The following IKBKE variants were observed in gnomAD, a reference collection of about 807,000 sequenced individuals.
IKBKE encodes inhibitor of nuclear factor kappa-B kinase subunit epsilon.
Under a neutral mutation model 92.1 loss-of-function variants are expected in IKBKE, and 45 were observed. The observed-to-expected ratio is 0.49, with a 90% confidence interval of 0.38 to 0.63. IKBKE has a LOEUF of 0.63. Ranked by LOEUF, IKBKE falls within the 20% of genes least tolerant of loss-of-function variation. IKBKE has a pLI of 0.00. For missense variants in IKBKE, 700 were observed against 932.8 expected, an observed-to-expected ratio of 0.75 and a Z score of 3.25; for synonymous variants, 374 against 380.3, an observed-to-expected ratio of 0.98 and a Z score of 0.19.
intron 21 of IKBKE, among the ~76,000 whole-genome samples, chr1:206,494,502 G>A (rs1450114354): frequency 6.6e-6 from 1 of 152,046 alleles, no homozygotes; most frequent in African/African-American, 2.4e-5. Flanking sequence ...CCCCTCCTTG[G>A]GGTGCTGAGG....
intron 21 of IKBKE, among the ~76,000 whole-genome samples, chr1:206,494,481 C>T (rs1360176265): frequency 1.3e-5 from 2 of 151,994 alleles, no homozygotes; most frequent in Non-Finnish European, 2.9e-5. Flanking sequence ...GGATCATCTC[C>T]TGATTTGACT....
chr1:206,476,435 C>A lies in IKBKE; in HGVS notation c.540+73C>A. On this transcript the variant is annotated intron_variant, in intron 6 of 21. Coordinates refer to ENST00000581977, the MANE Select transcript of IKBKE (RefSeq NM_014002.4). This position sits in a 1 kb window ranked among gnomAD's most constrained non-coding sequence, Gnocchi z 5.1. ...TGCCTTGTGAGCCCCCCAGAGCCCC[C>A]ATGAGGGGGTGTGGCCCACCTCCTG... The A allele has an allele frequency of 6.7e-7, 1 of 1,485,000 alleles. No homozygotes were observed. Among genetic ancestry groups the A allele is most frequent in the Non-Finnish European group, 9.2e-7 (1 of 1,085,922 alleles). 92.0% of individuals were successfully genotyped at this position (1,485,000 alleles called of 1,614,324 possible).
At chr1:206,477,332 CGGGGTCCAGCT>C (rs1553385663) in intron 7 of IKBKE, among the ~76,000 whole-genome samples, 1 of 152,170 alleles carries the variant, frequency 6.6e-6, no homozygotes, top group East Asian at 1.9e-4. Flanking sequence ...ACCTCAGCCC[CGGGGTCCAGCT>C]GTGTGGAACC....
intron 13 of IKBKE, 33 bp downstream of exon 13, chr1:206,480,566 T>G: frequency 6.7e-7 from 1 of 1,497,992 alleles, no homozygotes; most frequent in Non-Finnish European, 9.3e-7. Flanking sequence ...CTGGGACCTC[T>G]CAGCCCTGCC....
At chr1:206,495,937 T>C (rs1666213498) in intron 21 of IKBKE, among the ~76,000 whole-genome samples, 175 bp from the exon 22 acceptor site, 2 of 152,186 alleles carry the variant, frequency 1.3e-5, no homozygotes, top group South Asian at 4.1e-4. Context: ...GATTCCAACA[T>C]ATAGTCAGAG....
At chr1:206,482,997 G>A (rs1665483238) in intron 13 of IKBKE, among the ~76,000 whole-genome samples, 1 of 152,238 alleles carries the variant, frequency 6.6e-6, no homozygotes, top group Admixed American at 6.5e-5. Flanking sequence ...CCCCAGGACA[G>A]GTCCTTTGGT....
rs1553384578 is a variant in IKBKE, at chr1:206,474,335, C to A, written c.92C>A (p.Ser31Tyr). The change falls in exon 4 of 22, where the codon TCC becomes TAC. Residue 31 changes from serine to tyrosine, a missense_variant. Coordinates refer to ENST00000581977, the MANE Select transcript of IKBKE (RefSeq NM_014002.4). ...CTGCTCCCTCCCCAATGGCAGAAAT[C>A]CGGAGAGCTGGTTGCTGTGAAGGTC... is the stretch of plus-strand genomic sequence containing the variant. ...ASVYKARNKK[S>Y]GELVAVKVFN... 1.9e-6 allele frequency: 3 copies of A among 1,612,290 alleles called. No individual in the cohort carries two copies. Among genetic ancestry groups the A allele is most frequent in the Non-Finnish European group, 2.5e-6 (3 of 1,178,830 alleles).
intron 13 of IKBKE, among the ~76,000 whole-genome samples, chr1:206,484,762 A>G (rs1665568036): frequency 6.6e-6 from 1 of 152,138 alleles, no homozygotes; most frequent in African/African-American, 2.4e-5. Flanking sequence ...TCAAGGTGTT[A>G]CAATCTGTCT....
At chr1:206,472,457 C>T (rs953504175) in intron 2 of IKBKE, among the ~76,000 whole-genome samples, 2 of 152,018 alleles carry the variant, frequency 1.3e-5, no homozygotes, top group African/African-American at 4.8e-5. Context: ...AGATGGGAAA[C>T]AGAGTTGTAG....
rs781855968 is a variant in IKBKE, at chr1:206,493,406, T to C, written c.2045+28T>C. On this transcript the variant is annotated intron_variant, in intron 20 of 21. Transcript: ENST00000581977. ...AAGTGCTGGGGAGAAAGCGGTTGTG[T>C]ATCTGTGTGGAAGGGGGTTGCAGGG... 2.2e-4 allele frequency: 329 copies of C among 1,525,064 alleles called. 1 individual carries two copies. Among genetic ancestry groups the C allele is most frequent in the Non-Finnish European group, 4.9e-5 (54 of 1,099,220 alleles). The allele number at this position is 1,525,064 out of a possible 1,614,324, so 94.5% of individuals were successfully genotyped here.
rs782739069 is a variant in IKBKE, at chr1:206,490,909, C to T, written c.1733+51C>T. 5 of 1,527,244 alleles carry T rather than the reference C, an allele frequency of 3.3e-6. No individual in the cohort carries two copies. In the East Asian group the frequency reaches 6.8e-5, roughly 21 times the overall value. The allele number at this position is 1,527,244 out of a possible 1,614,324, so 94.6% of individuals were successfully genotyped here. On this transcript the variant is annotated intron_variant, in intron 17 of 21. Coordinates refer to ENST00000581977, the MANE Select transcript of IKBKE (RefSeq NM_014002.4). This position sits in a 1 kb window ranked among gnomAD's most constrained non-coding sequence, Gnocchi z 5.2. ...GGGTGGGCAGGAGGGTGGGTGTCCT[C>T]AGGGCAGAGCGATTCTCAACGCCAG...
rs1553386042 is a variant in IKBKE at position 206,478,289 on chromosome 1, C to T, written c.942C>T (p.Phe314=). Residue 314 remains phenylalanine, a synonymous_variant, in exon 9 of 22, where the codon TTC becomes TTT. Coordinates refer to ENST00000581977, the MANE Select transcript of IKBKE (RefSeq NM_014002.4). The surrounding 1 kb of genome is among the most constrained non-coding windows in gnomAD (Gnocchi z 4.8). The part of the protein sequence containing the change: ...DILQRVVVHV[F]SLSQAVLHHI... ...TGCAGCGAGTTGTCGTCCATGTCTTCTCCCTGTCCCAGGCAGTCCTGCACC... is the reference window on the plus strand; with the variant it reads ...TGCAGCGAGTTGTCGTCCATGTCTTTTCCCTGTCCCAGGCAGTCCTGCACC... 1 of 1,614,102 alleles carries T rather than the reference C, an allele frequency of 6.2e-7. No individual in the cohort carries two copies. The highest frequency in any genetic ancestry group is 1.1e-5 in the South Asian group (1 of 91,090).
rs189651827 is a variant in IKBKE at position 206,474,227 on chromosome 1, C to T, written c.88-104C>T. On this transcript the variant is annotated intron_variant, in intron 3 of 21. Transcript: ENST00000581977. ...GGCTAATCTCTGGGGTTGGGCTGGC[C>T]GGAGAGGCTGAATGGAGGCCCAGGA... 3.9e-4 allele frequency: 453 copies of T among 1,154,354 alleles called. 2 individuals carry two copies. The highest frequency in any genetic ancestry group is 9.1e-4 in the East Asian group (38 of 41,936). 71.5% of individuals were successfully genotyped at this position (1,154,354 alleles called of 1,614,324 possible). A position where few individuals can be genotyped will look rare whatever the true frequency, so the allele number is the denominator to read the frequency against.
chr1:206,474,323 A>T lies in IKBKE; in HGVS notation c.88-8A>T. On this transcript the variant is annotated splice_region_variant and splice_polypyrimidine_tract_variant and intron_variant, in intron 3 of 21. Transcript: ENST00000581977. Reference sequence around the variant, plus strand: ...TGCTGTCTCCCACTGCTCCCTCCCCAATGGCAGAAATCCGGAGAGCTGGTT... The same window carrying T: ...TGCTGTCTCCCACTGCTCCCTCCCCTATGGCAGAAATCCGGAGAGCTGGTT... The T allele has an allele frequency of 6.2e-7, 1 of 1,610,298 alleles. No homozygotes were observed.
At chr1:206,492,115 G>A (rs1665977218) in intron 18 of IKBKE, 1 of 311,624 alleles carries the variant, frequency 3.2e-6, no homozygotes, top group Non-Finnish European at 6.2e-6. Flanking sequence ...GGCTTTTGAG[G>A]GGTAAAATCA....
Position 206,474,973 on chromosome 1 carries a change from C to G in IKBKE, c.337C>G (p.Leu113Val), listed in dbSNP as rs1558473109. Residue 113 changes from leucine (L) to valine (V), a missense_variant, in exon 5 of 22, where the codon CTG (leucine) becomes GTG (valine). Coordinates refer to ENST00000581977, the MANE Select transcript of IKBKE (RefSeq NM_014002.4). ...CTTTGGGCTGCCTGAGGATGAGTTCCTGGTGGTGCTGCGCTGTGTGGGTGA... is the reference window on the plus strand; with the variant it reads ...CTTTGGGCTGCCTGAGGATGAGTTCGTGGTGGTGCTGCGCTGTGTGGGTGA... ...NAFGLPEDEFLVVLRCVVAGM... is the reference protein window; with the variant it reads ...NAFGLPEDEFVVVLRCVVAGM... 1.2e-6 allele frequency: 2 copies of G among 1,614,046 alleles called. No homozygotes were observed. The highest frequency in any genetic ancestry group is 1.7e-5 in the Admixed American group (1 of 60,016).
In IKBKE at chr1:206,490,271, TC is replaced by T. The variant is rs1572264212; in HGVS notation, c.1694-547del. ...CTGCGAAGACCAGGAGGGGGCAGCA[TC>T]TCCCTAGTGCATGAGCCTTAGGGCC... On this transcript the variant is annotated intron_variant, in intron 16 of 21. Transcript: ENST00000581977. This position sits in a 1 kb window ranked among gnomAD's most constrained non-coding sequence, Gnocchi z 5.2. 6.6e-6 allele frequency among the ~76,000 whole-genome samples: 1 copy of T among 152,138 alleles called. No individual in the cohort carries two copies. Among genetic ancestry groups the T allele is most frequent in the East Asian group, 1.9e-4 (1 of 5,194 alleles).
chr1:206,491,600 A>G (rs1553390355), intron 17 of IKBKE, 48 bp from the exon 18 acceptor site: 1 of 1,335,096 alleles, frequency 7.5e-7, no homozygotes, highest in African/African-American at 1.4e-5. Flanking sequence ...GGGCTTGTGC[A>G]TAGTGGTTCT....
At chr1:206,484,542 G>A (rs1214457724) in intron 13 of IKBKE, among the ~76,000 whole-genome samples, 2 of 152,124 alleles carry the variant, frequency 1.3e-5, no homozygotes, top group Non-Finnish European at 2.9e-5. Flanking sequence ...ATTTCACTGG[G>A]CAGCAAGATG....
Sources: allele counts gnomAD v4.1 joint callset (sites outside exome capture counted in the v4.1 genomes callset), GRCh38; gene constraint gnomAD v4.1.1; non-coding constraint Gnocchi (gnomAD v3.1); transcripts MANE v1.5; gene names NCBI Gene and HGNC (gene_info 2026-07-23, HGNC 2026-07-21).